LEPR: variants seen among roughly 807,000 people sequenced by gnomAD.
LEPR encodes leptin receptor.
A neutral mutation model predicts 114.7 loss-of-function variants in LEPR; 56 were observed. The ratio of observed to expected loss-of-function variants is 0.49; its 90% CI spans 0.39 to 0.61. The LOEUF (loss-of-function observed/expected upper bound fraction) is 0.61. Ranked by LOEUF, LEPR falls within the 20% of genes least tolerant of loss-of-function variation. The pLI, the probability that LEPR is intolerant of heterozygous loss-of-function variation, is 0.00. For missense variants in LEPR, 1,202 were observed against 1,352.9 expected, an observed-to-expected ratio of 0.89 and a Z score of 1.75; for synonymous variants, 443 against 461.4, an observed-to-expected ratio of 0.96 and a Z score of 0.51.
intron 2 of LEPR, among the ~76,000 whole-genome samples, chr1:65,472,159 A>G (rs771595073): frequency 2.0e-5 from 3 of 152,084 alleles, no homozygotes; most frequent in Non-Finnish European, 4.4e-5. Flanking sequence ...TCAAAACATC[A>G]TGTATCTAGA....
At chr1:65,551,883 C>G (rs1048418767) in intron 2 of LEPR, among the ~76,000 whole-genome samples, 8 of 152,162 alleles carry the variant, frequency 5.3e-5, no homozygotes, top group African/African-American at 1.9e-4. Context: ...TTATATATGT[C>G]CCAGAGATTC....
chr1:65,476,314 G>C (rs1022036817), intron 2 of LEPR, among the ~76,000 whole-genome samples: 2 of 151,934 alleles, frequency 1.3e-5, no homozygotes, highest in Non-Finnish European at 2.9e-5. Context: ...AAATGAACAT[G>C]CTTTTAGTGG....
chr1:65,549,755 T>G (rs989872373), intron 2 of LEPR, among the ~76,000 whole-genome samples: 1 of 152,196 alleles, frequency 6.6e-6, no homozygotes, highest in African/African-American at 2.4e-5. Flanking sequence ...GCCTTTGGTT[T>G]GAATTTCCTC....
intron 14 of LEPR, among the ~76,000 whole-genome samples, chr1:65,613,332 T>C (rs1422388958): frequency 4.6e-5 from 7 of 152,128 alleles, no homozygotes; most frequent in Admixed American, 4.6e-4. Context: ...TTTATTAAAA[T>C]TAAAAACTTC....
chr1:65,566,535 C>T (rs948401507), intron 3 of LEPR, among the ~76,000 whole-genome samples: 3 of 152,200 alleles, frequency 2.0e-5, no homozygotes, highest in African/African-American at 7.2e-5. Context: ...ATACTGTTCT[C>T]ACGTGTTTCT....
intron 19 of LEPR, among the ~76,000 whole-genome samples, chr1:65,629,049 T>C (rs997776985): frequency 6.6e-6 from 1 of 152,174 alleles, no homozygotes; most frequent in African/African-American, 2.4e-5. Flanking sequence ...ACGGTATCTA[T>C]TGATTTCTGG....
chr1:65,610,042 A>C lies in LEPR; in HGVS notation c.1848A>C (p.Leu616=). The part of the protein sequence containing the change: ...VYAVQVRCKR[L]DGLGYWSNWS... Reference sequence around the variant, plus strand: ...CTGTTCAGGTGCGCTGTAAGAGGCTAGATGGACTGGGATATTGGAGTAATT... The same window carrying C: ...CTGTTCAGGTGCGCTGTAAGAGGCTCGATGGACTGGGATATTGGAGTAATT... Residue 616 remains leucine (L), a synonymous_variant, in exon 13 of 20, where the codon CTA becomes CTC. Coordinates refer to ENST00000349533, the MANE Select transcript of LEPR (RefSeq NM_002303.6). The C allele has an allele frequency of 1.2e-6, 2 of 1,614,232 alleles. No homozygotes were observed. Among genetic ancestry groups the C allele is most frequent in the Non-Finnish European group, 1.7e-6 (2 of 1,180,028 alleles).
At chr1:65,471,870 CAT>C (rs1380518017) in intron 2 of LEPR, among the ~76,000 whole-genome samples, 1 of 152,090 alleles carries the variant, frequency 6.6e-6, no homozygotes. Flanking sequence ...AAAATAGAAA[CAT>C]AACATCCCGT....
chr1:65,537,641 AACCCCTGCTTCATGAGTTTGGGATATTTC>A, intron 2 of LEPR, among the ~76,000 whole-genome samples: 1 of 151,980 alleles, frequency 6.6e-6, no homozygotes, highest in Admixed American at 6.6e-5. Context: ...GTTTCTCTTG[AACCCCTGCTTCATGAGTTTGGGATATTTC>A]ACCCTTTCTC....
At chr1:65,578,115 T>G (rs1301301675) in intron 5 of LEPR, 2 of 150,778 alleles carry the variant, frequency 1.3e-5, no homozygotes. Flanking sequence ...GCTTTATCCA[T>G]GTCCTTGCAA....
intron 9 of LEPR, 51 bp from the exon 10 acceptor site, chr1:65,601,792 A>G (rs1251360446): frequency 6.3e-7 from 1 of 1,580,746 alleles, no homozygotes; most frequent in Admixed American, 1.8e-5. Flanking sequence ...TTTTTCATTG[A>G]ATTTTTTGGA....
At chr1:65,494,496 A>G (rs17127686) in intron 2 of LEPR, among the ~76,000 whole-genome samples, 6,899 of 152,082 alleles carry the variant, frequency 0.045, 496 homozygotes, top group African/African-American at 0.15. Flanking sequence ...TCTCTCCTCC[A>G]CTAGCATGTA....
chr1:65,518,909 CTT>C (rs777490067), intron 2 of LEPR, among the ~76,000 whole-genome samples: 1 of 88,020 alleles, frequency 1.1e-5, no homozygotes, highest in African/African-American at 3.5e-5. Flanking sequence ...TTCTTTCTTT[CTT>C]TCTTTCTCTC....
In LEPR at chr1:65,462,031, G is replaced by A. The variant is rs185945049; in HGVS notation, c.-21+36653G>A. 4.6e-5 allele frequency among the ~76,000 whole-genome samples: 7 copies of A among 152,280 alleles called. No individual in the cohort carries two copies. The East Asian group carries it at 1.2e-3, about 25-fold the overall frequency. ...TTATACATTAAGTTCTAGGGTACAC[G>A]TGCACAATGTGCAGGTTTGTTACGT... On this transcript the variant is annotated intron_variant, in intron 2 of 19. Coordinates refer to ENST00000349533, the MANE Select transcript of LEPR (RefSeq NM_002303.6).
chr1:65,449,847 T>A (rs1646760003), intron 2 of LEPR, among the ~76,000 whole-genome samples: 1 of 152,162 alleles, frequency 6.6e-6, no homozygotes, highest in Non-Finnish European at 1.5e-5. Flanking sequence ...AAAGCCTAGA[T>A]GATTGATTTT....
chr1:65,458,997 T>C (rs1352149253), intron 2 of LEPR, among the ~76,000 whole-genome samples: 1 of 152,240 alleles, frequency 6.6e-6, no homozygotes, highest in African/African-American at 2.4e-5. Flanking sequence ...ACTCTTCATT[T>C]CTGTGAGACA....
intron 2 of LEPR, among the ~76,000 whole-genome samples, chr1:65,443,398 AT>A (rs1162909642): frequency 1.1e-4 from 16 of 151,694 alleles, no homozygotes; most frequent in African/African-American, 2.7e-4. Flanking sequence ...TGAAAATGCA[AT>A]TTTCCAAATT....
chr1:65,547,348 T>C (rs1651835085), intron 2 of LEPR, among the ~76,000 whole-genome samples: 1 of 152,210 alleles, frequency 6.6e-6, no homozygotes, highest in Non-Finnish European at 1.5e-5. Context: ...GATTCCCTCT[T>C]TTTCTATTGA....
chr1:65,466,934 C>T (rs995138295), intron 2 of LEPR, among the ~76,000 whole-genome samples: 5 of 152,086 alleles, frequency 3.3e-5, no homozygotes, highest in African/African-American at 9.7e-5. Flanking sequence ...ATTCTTCTCA[C>T]CTTTTTTCAA....
Sources: gnomAD v4.1 joint callset for allele counts (sites outside exome capture counted in the v4.1 genomes callset) on GRCh38, gnomAD v4.1.1 for gene constraint, MANE v1.5 for transcripts, NCBI Gene and HGNC (gene_info 2026-07-23, HGNC 2026-07-21) for gene names.